Variants in PRKAG2 observed in about 807,000 individuals in gnomAD.
PRKAG2 encodes the protein 5'-AMP-activated protein kinase subunit gamma-2.
PRKAG2 carries 26 observed loss-of-function variants against 69.6 expected under a neutral mutation model. That is an observed-to-expected ratio of 0.37 (90% CI 0.27 to 0.52). The LOEUF (loss-of-function observed/expected upper bound fraction) is 0.52, where lower values mean the gene tolerates loss of function less well. Among genes scored for constraint, PRKAG2 ranks in the 20% least tolerant of loss-of-function variants. The probability of loss-of-function intolerance (pLI) is 0.90; values close to 1 mark genes in which losing one functional copy is unlikely to be tolerated. For missense variants in PRKAG2, 557 were observed against 740.0 expected (o/e 0.75, Z 2.87); for synonymous variants, 293 against 285.0 (o/e 1.03, Z -0.28).
At chr7:151,847,026 C>T (rs758051297) in intron 1 of PRKAG2, among the ~76,000 whole-genome samples, 2 of 152,200 alleles carry the variant, frequency 1.3e-5, no homozygotes, top group Non-Finnish European at 1.5e-5. Context: ...GGGTAAGCGG[C>T]TGGGTGAGGG....
chr7:151,707,951 A>G (rs1838905329), intron 3 of PRKAG2, among the ~76,000 whole-genome samples: 1 of 152,172 alleles, frequency 6.6e-6, no homozygotes, highest in Non-Finnish European at 1.5e-5. Context: ...TCTCGGCCCA[A>G]CCCAGACGGG....
At chr7:151,665,331 G>C (rs544839116) in intron 4 of PRKAG2, among the ~76,000 whole-genome samples, 1 of 152,204 alleles carries the variant, frequency 6.6e-6, no homozygotes, top group African/African-American at 2.4e-5. Context: ...CTTTTCTTTG[G>C]AGCTCAGCTA....
chr7:151,703,185 C>T (rs774587472), intron 3 of PRKAG2, among the ~76,000 whole-genome samples: 42 of 152,158 alleles, frequency 2.8e-4, no homozygotes, highest in Middle Eastern at 3.2e-3. Flanking sequence ...CACTCATCAG[C>T]GCGCGCGAAG....
chr7:151,718,131 T>C (rs1325518506), intron 3 of PRKAG2, among the ~76,000 whole-genome samples: 1 of 152,210 alleles, frequency 6.6e-6, no homozygotes, highest in Non-Finnish European at 1.5e-5. Flanking sequence ...ACAGAGCACA[T>C]AGATGGGGTG....
chr7:151,805,193 C>T (rs1055101265), intron 1 of PRKAG2, among the ~76,000 whole-genome samples: 1 of 152,212 alleles, frequency 6.6e-6, no homozygotes, highest in Admixed American at 6.5e-5. Context: ...GCAGTTCCTC[C>T]TGGATCTCTT....
At chr7:151,563,158 T>C (rs1805466796) in intron 14 of PRKAG2, among the ~76,000 whole-genome samples, 1 of 152,184 alleles carries the variant, frequency 6.6e-6, no homozygotes, top group African/African-American at 2.4e-5. Flanking sequence ...ATTTATGTCA[T>C]ATAAACAAAT....
chr7:151,784,485 G>A (rs1015555293), intron 2 of PRKAG2, among the ~76,000 whole-genome samples: 1 of 152,192 alleles, frequency 6.6e-6, no homozygotes, highest in African/African-American at 2.4e-5. Context: ...CTTAACAGAG[G>A]CCCTGACCCA....
Position 151,830,118 on chromosome 7 carries a change from GTT to G in PRKAG2, c.115-43579_115-43578del, listed in dbSNP as rs112012814. The stretch of plus-strand genomic sequence containing the variant: ...CCAATGTCGAGGACTGTTCCACCTG[GTT>G]TTTTTTTTTTTTTTTTACCATGCTC... On this transcript the variant is annotated intron_variant, in intron 1 of 15. Transcript: ENST00000287878. Among the ~76,000 whole-genome samples, 106 of 141,692 alleles carry G rather than the reference GTT, an allele frequency of 7.5e-4. 1 individual carries two copies. The highest frequency in any genetic ancestry group is 8.2e-4 in the East Asian group (4 of 4,866). 93.0% of individuals were successfully genotyped at this position (141,692 alleles called of 152,430 possible).
At chr7:151,634,166 T>A (rs1554509599) in intron 4 of PRKAG2, among the ~76,000 whole-genome samples, 5 of 152,106 alleles carry the variant, frequency 3.3e-5, no homozygotes, top group Non-Finnish European at 7.4e-5. Flanking sequence ...ATGGATATAA[T>A]AATCAATAGA....
intron 1 of PRKAG2, among the ~76,000 whole-genome samples, chr7:151,791,849 CCTT>C (rs781012570): frequency 3.4e-4 from 52 of 152,354 alleles, no homozygotes; most frequent in African/African-American, 1.1e-3. Flanking sequence ...ATTAGTATGT[CCTT>C]CTGAAATCTC....
At chr7:151,573,333 GTTTTTTTTTTTTTTTT>G (rs57854174) in intron 8 of PRKAG2, among the ~76,000 whole-genome samples, 4 of 82,882 alleles carry the variant, frequency 4.8e-5, no homozygotes, top group Admixed American at 1.7e-4. Context: ...ATTTTTGTGG[GTTTTTTTTTTTTTTTT>G]TTTTTTTTTT....
chr7:151,866,977 C>G (rs1338045496), intron 1 of PRKAG2, among the ~76,000 whole-genome samples: 1 of 152,120 alleles, frequency 6.6e-6, no homozygotes, highest in East Asian at 1.9e-4. Context: ...GGTCCCAGAG[C>G]TGCCACACCA....
chr7:151,674,345 A>G (rs569691767), intron 4 of PRKAG2, among the ~76,000 whole-genome samples: 12 of 152,332 alleles, frequency 7.9e-5, no homozygotes, highest in Admixed American at 5.2e-4. Context: ...ACAGTGAGAC[A>G]GTACATTTCT....
chr7:151,660,398 G>A (rs145597348), intron 4 of PRKAG2, among the ~76,000 whole-genome samples: 165 of 152,234 alleles, frequency 1.1e-3, no homozygotes, highest in African/African-American at 3.8e-3. Flanking sequence ...AAAAGAATCT[G>A]ATTCATAGTG....
At chr7:151,588,712 C>T (rs1585071796) in intron 6 of PRKAG2, among the ~76,000 whole-genome samples, 1 of 148,556 alleles carries the variant, frequency 6.7e-6, no homozygotes, top group South Asian at 2.2e-4. Context: ...CTCTGCTTGC[C>T]GCCATCCATA....
intron 3 of PRKAG2, among the ~76,000 whole-genome samples, chr7:151,728,147 T>C (rs1433034597): frequency 6.6e-6 from 1 of 152,070 alleles, no homozygotes; most frequent in East Asian, 1.9e-4. Context: ...ACCACTGTCA[T>C]GAGACACCCG....
intron 4 of PRKAG2, among the ~76,000 whole-genome samples, chr7:151,642,051 A>G (rs866769323): frequency 1.0e-4 from 15 of 144,600 alleles, no homozygotes; most frequent in South Asian, 9.2e-4. Context: ...AAAAAAAAAA[A>G]GGGGCCAGGC....
At chr7:151,670,057 TACCCGCATGCACACTC>T (rs1563386653) in intron 4 of PRKAG2, among the ~76,000 whole-genome samples, 4 of 104,486 alleles carry the variant, frequency 3.8e-5, no homozygotes, top group African/African-American at 1.6e-4. Flanking sequence ...CCTGTGCACA[TACCCGCATGCACACTC>T]ACCTGCATGC....
intron 6 of PRKAG2, among the ~76,000 whole-genome samples, chr7:151,578,987 G>C (rs1209273048): frequency 1.3e-5 from 2 of 152,114 alleles, no homozygotes; most frequent in African/African-American, 4.8e-5. Context: ...GGGAATGGGG[G>C]CACCTTTTAT....
Sources: gnomAD v4.1 joint callset for allele counts (sites outside exome capture counted in the v4.1 genomes callset) on GRCh38, gnomAD v4.1.1 for gene constraint, MANE v1.5 for transcripts, NCBI Gene and HGNC (gene_info 2026-07-23, HGNC 2026-07-21) for gene names.